Variants in OXR1 observed in about 807,000 individuals in gnomAD.
OXR1 encodes oxidation resistance protein 1.
OXR1 carries 41 observed loss-of-function variants against 104.6 expected under a neutral mutation model. The ratio of observed to expected loss-of-function variants is 0.39; its 90% CI spans 0.31 to 0.51. The LOEUF (loss-of-function observed/expected upper bound fraction) is 0.51, where lower values mean the gene tolerates loss of function less well. OXR1 is among the 20% of genes least tolerant of loss of function. The pLI is 0.77. For synonymous variants in OXR1, 348 were observed against 348.4 expected, an observed-to-expected ratio of 1.00 and a Z score of 0.01; for missense variants, 955 against 1,031.9, an observed-to-expected ratio of 0.93 and a Z score of 1.02.
intron 2 of OXR1, among the ~76,000 whole-genome samples, chr8:106,377,637 G>A (rs1816961790): frequency 6.6e-6 from 1 of 152,202 alleles, no homozygotes; most frequent in Admixed American, 6.5e-5. Context: ...ATATATTTCA[G>A]AGGGATATAC....
At chr8:106,456,005 A>G (rs935618229) in intron 2 of OXR1, among the ~76,000 whole-genome samples, 6 of 152,218 alleles carry the variant, frequency 3.9e-5, no homozygotes, top group Middle Eastern at 3.2e-3. Flanking sequence ...AAACTTAATG[A>G]CATTTCACTT....
At chr8:106,614,723 A>G (rs1013572596) in intron 3 of OXR1, among the ~76,000 whole-genome samples, 1 of 152,208 alleles carries the variant, frequency 6.6e-6, no homozygotes, top group African/African-American at 2.4e-5. Flanking sequence ...ATTGGGAAAT[A>G]GGTATCTTAT....
At chr8:106,515,630 A>C (rs1319792589) in intron 2 of OXR1, among the ~76,000 whole-genome samples, 1 of 152,012 alleles carries the variant, frequency 6.6e-6, no homozygotes, top group Non-Finnish European at 1.5e-5. Flanking sequence ...GTTCAGTAGT[A>C]TTCCGTTGTG....
At chr8:106,523,103 C>T (rs1328126772) in intron 3 of OXR1, among the ~76,000 whole-genome samples, 1 of 152,212 alleles carries the variant, frequency 6.6e-6, no homozygotes, top group East Asian at 1.9e-4. Flanking sequence ...CAACCAGGGA[C>T]CACTCTCAGC....
At position 106,694,551 on chromosome 8, in the gene OXR1, AAT is replaced by A. The variant is rs1461687495; in HGVS notation, c.675+1677_675+1678del. Among the ~76,000 whole-genome samples the A allele has an allele frequency of 6.3e-5, 8 of 127,844 alleles. No individual in the cohort carries two copies. The East Asian group carries it at 6.7e-4, about 11-fold the overall frequency. The allele number at this position is 127,844 out of a possible 152,430, so 83.9% of individuals were successfully genotyped here. ...TATGTTTATATATATTTGATATATA[AAT>A]ATGTTTATATATATTTGATATATAA... On this transcript the variant is annotated intron_variant, in intron 7 of 16. Transcript: ENST00000517566.
Position 106,719,421 on chromosome 8 carries a change from T to C in OXR1, c.1956+5436T>C, listed in dbSNP as rs543531378. Among the ~76,000 whole-genome samples the C allele has an allele frequency of 2.0e-5, 3 of 152,354 alleles. No individual in the cohort carries two copies. In the South Asian group the frequency reaches 6.2e-4, roughly 32 times the overall value. The stretch of plus-strand genomic sequence containing the variant: ...CATCAGCTTATTTCTTCTGTGTCCC[T>C]CCTTTTCTCCAATTGTTCATAGTTA... On this transcript the variant is annotated intron_variant, in intron 11 of 16. Coordinates refer to ENST00000517566, the MANE Select transcript of OXR1 (RefSeq NM_001198533.2).
intron 9 of OXR1, among the ~76,000 whole-genome samples, chr8:106,708,014 A>G (rs146653814): frequency 4.8e-4 from 73 of 152,306 alleles, no homozygotes; most frequent in African/African-American, 1.6e-3. Flanking sequence ...TGGCATTAGT[A>G]CATTCACATT....
chr8:106,576,315 A>G (rs1344799466), intron 3 of OXR1, among the ~76,000 whole-genome samples: 8 of 151,920 alleles, frequency 5.3e-5, no homozygotes, highest in Non-Finnish European at 4.4e-5. Context: ...TCTAAAATGT[A>G]TATGATGTAT....
At chr8:106,419,298 T>C (rs1586624876) in intron 2 of OXR1, among the ~76,000 whole-genome samples, 1 of 152,154 alleles carries the variant, frequency 6.6e-6, no homozygotes, top group Non-Finnish European at 1.5e-5. Context: ...GTGAGGCAGG[T>C]GCGTTGCAGG....
chr8:106,590,138 G>A (rs56063590), intron 3 of OXR1, among the ~76,000 whole-genome samples: 60,626 of 152,110 alleles, frequency 0.4, 13,394 homozygotes, highest in African/African-American at 0.59. Flanking sequence ...AACAGCAATA[G>A]AAAGTAATTT....
chr8:106,404,053 A>G (rs1429417283), intron 2 of OXR1, among the ~76,000 whole-genome samples: 1 of 152,084 alleles, frequency 6.6e-6, no homozygotes, highest in Non-Finnish European at 1.5e-5. Flanking sequence ...TGCAGGGTTA[A>G]TCCCCTCAGA....
At chr8:106,271,133 T>C (rs1811787171) in intron 1 of OXR1, among the ~76,000 whole-genome samples, 1 of 151,968 alleles carries the variant, frequency 6.6e-6, no homozygotes, top group African/African-American at 2.4e-5. Context: ...GGAACTGGGC[T>C]GCTGGTAGGG....
chr8:106,335,965 G>T (rs1814943320), intron 1 of OXR1, among the ~76,000 whole-genome samples: 1 of 152,026 alleles, frequency 6.6e-6, no homozygotes, highest in Admixed American at 6.6e-5. Flanking sequence ...GTGTGGTGGT[G>T]GTTGCCCATA....
At chr8:106,640,942 C>T (rs1823577812) in intron 3 of OXR1, among the ~76,000 whole-genome samples, 1 of 152,168 alleles carries the variant, frequency 6.6e-6, no homozygotes, top group African/African-American at 2.4e-5. Context: ...TTATTTATGA[C>T]AAGCTTATAT....
intron 2 of OXR1, among the ~76,000 whole-genome samples, chr8:106,503,262 A>G (rs941441859): frequency 2.0e-5 from 3 of 152,234 alleles, no homozygotes; most frequent in Non-Finnish European, 4.4e-5. Flanking sequence ...ATGTTAATAA[A>G]GATACACTAC....
intron 3 of OXR1, among the ~76,000 whole-genome samples, chr8:106,549,626 A>G (rs1815647351): frequency 6.6e-6 from 1 of 152,188 alleles, no homozygotes; most frequent in South Asian, 2.1e-4. Context: ...TCATGGTTCT[A>G]GATGCTGGAG....
At chr8:106,740,789 G>A (rs770741323) in intron 14 of OXR1, among the ~76,000 whole-genome samples, 3 of 152,118 alleles carry the variant, frequency 2.0e-5, no homozygotes, top group Non-Finnish European at 4.4e-5. Context: ...TAGAAAAAGT[G>A]AGGAAATAAG....
chr8:106,518,044 G>C (rs924989863), intron 2 of OXR1, among the ~76,000 whole-genome samples: 2 of 152,126 alleles, frequency 1.3e-5, no homozygotes, highest in African/African-American at 4.8e-5. Context: ...TAACAAGCAT[G>C]AACAGGGTCT....
At chr8:106,618,945 G>A (rs1392080020) in intron 3 of OXR1, among the ~76,000 whole-genome samples, 6 of 151,394 alleles carry the variant, frequency 4.0e-5, no homozygotes, top group South Asian at 2.1e-4. Context: ...TAAACAGATC[G>A]ACCTGTACTT....
Sources: gnomAD v4.1 joint callset for allele counts (sites outside exome capture counted in the v4.1 genomes callset) on GRCh38, gnomAD v4.1.1 for gene constraint, MANE v1.5 for transcripts, NCBI Gene and HGNC (gene_info 2026-07-23, HGNC 2026-07-21) for gene names.